CSMD1: variants seen among roughly 807,000 people sequenced by gnomAD.
CSMD1 encodes the protein CUB and Sushi multiple domains 1.
In CSMD1, 213 loss-of-function variants were observed where a neutral mutation model predicts 417.5. The observed-to-expected ratio is 0.51, with a 90% CI of 0.46 to 0.57. The LOEUF (loss-of-function observed/expected upper bound fraction) is 0.57, where lower values mean the gene tolerates loss of function less well. Among genes scored for constraint, CSMD1 ranks in the 20% least tolerant of loss-of-function variants. CSMD1 has a pLI of 0.00. For synonymous variants in CSMD1, 2,862 were observed against 1,736.8 expected (o/e 1.65, Z -16.11); for missense variants, 6,923 against 4,529.7 (o/e 1.53, Z -15.17).
intron 3 of CSMD1, among the ~76,000 whole-genome samples, chr8:4,247,336 A>G (rs2128827916): frequency 6.6e-6 from 1 of 152,288 alleles, no homozygotes; most frequent in Admixed American, 6.5e-5. Context: ...CATACCACAT[A>G]GAGTGCTGCT....
chr8:3,406,892 C>G lies in CSMD1; in HGVS notation c.2072-671G>C, dbSNP rs114611559. Among the ~76,000 whole-genome samples the G allele has an allele frequency of 5.4e-3, 817 of 152,318 alleles. 5 individuals are homozygous for G. Among genetic ancestry groups the G allele is most frequent in the African/African-American group, 0.018 (732 of 41,564 alleles). ...AGCTGTCATTAAACTTCACTAATTACATACTAGTGCTGTATTTTAATCCTT... is the reference window on the plus strand; with the variant it reads ...AGCTGTCATTAAACTTCACTAATTAGATACTAGTGCTGTATTTTAATCCTT... On this transcript the variant is annotated intron_variant, in intron 14 of 69. Coordinates refer to ENST00000635120, the MANE Select transcript of CSMD1 (RefSeq NM_033225.6).
At chr8:4,393,648 G>A (rs1175230450) in intron 3 of CSMD1, among the ~76,000 whole-genome samples, 2 of 152,118 alleles carry the variant, frequency 1.3e-5, no homozygotes, top group African/African-American at 4.8e-5. Flanking sequence ...AAAGACGTGA[G>A]CACTAGCCCA....
Position 4,558,561 on chromosome 8 carries a change from G to C in CSMD1, c.302+78781C>G, listed in dbSNP as rs1447465349. Among the ~76,000 whole-genome samples the C allele has an allele frequency of 3.3e-5, 5 of 152,190 alleles. No individual in the cohort carries two copies. The South Asian group carries it at 1.0e-3, about 32-fold the overall frequency. On this transcript the variant is annotated intron_variant, in intron 2 of 69. Coordinates refer to ENST00000635120, the MANE Select transcript of CSMD1 (RefSeq NM_033225.6). ...AAGCAAGTACCTTGCTCAAACACTA[G>C]TCCCTAATAAACAATAGAGACTTTG...
At chr8:4,110,852 CTTT>C (rs2130909627) in intron 3 of CSMD1, among the ~76,000 whole-genome samples, 1 of 152,084 alleles carries the variant, frequency 6.6e-6, no homozygotes, top group Admixed American at 6.5e-5. Context: ...AAATCAGAGA[CTTT>C]TTTCCTTGAA....
chr8:3,172,915 G>C (rs997267219), intron 37 of CSMD1, among the ~76,000 whole-genome samples: 2 of 152,148 alleles, frequency 1.3e-5, no homozygotes, highest in African/African-American at 4.8e-5. Flanking sequence ...ATAAGCAGGA[G>C]GTCAGCTTGG....
chr8:4,548,930 T>G (rs1476255485), intron 2 of CSMD1, among the ~76,000 whole-genome samples: 1 of 152,182 alleles, frequency 6.6e-6, no homozygotes, highest in African/African-American at 2.4e-5. Flanking sequence ...TTCTCTTACC[T>G]CCATATTTGA....
chr8:4,459,295 G>T (rs541724693), intron 2 of CSMD1, among the ~76,000 whole-genome samples: 2 of 152,202 alleles, frequency 1.3e-5, no homozygotes, highest in Non-Finnish European at 2.9e-5. Flanking sequence ...GCACCAGATG[G>T]CATATAAGGT....
intron 3 of CSMD1, among the ~76,000 whole-genome samples, chr8:4,227,618 C>G (rs973549632): frequency 6.6e-6 from 1 of 152,072 alleles, no homozygotes; most frequent in African/African-American, 2.4e-5. Flanking sequence ...CACATTCAGT[C>G]AGACACTCGG....
rs59670424 is a variant in CSMD1, at chr8:4,039,254, G to C, written c.416-7155C>G. On this transcript the variant is annotated intron_variant, in intron 3 of 69. Transcript: ENST00000635120. Reference sequence around the variant, plus strand: ...TTGCCTCTGTAGTAGTCTCCTGGTAGCTTAAGAAAATATAACTCCAAATTC... The same window carrying C: ...TTGCCTCTGTAGTAGTCTCCTGGTACCTTAAGAAAATATAACTCCAAATTC... 7.3e-3 allele frequency among the ~76,000 whole-genome samples: 1,114 copies of C among 152,220 alleles called. 14 individuals carry two copies. Among genetic ancestry groups the C allele is most frequent in the African/African-American group, 0.026 (1,063 of 41,532 alleles).
chr8:4,121,577 T>G (rs534802477), intron 3 of CSMD1, among the ~76,000 whole-genome samples: 37 of 152,002 alleles, frequency 2.4e-4, no homozygotes, highest in African/African-American at 8.2e-4. Flanking sequence ...TCTTTTATTT[T>G]TTTTTCAAAA....
At chr8:4,725,167 T>TA (rs1476077540) in intron 1 of CSMD1, among the ~76,000 whole-genome samples, 2 of 152,130 alleles carry the variant, frequency 1.3e-5, no homozygotes, top group African/African-American at 4.8e-5. Flanking sequence ...AAGAATACAT[T>TA]AAAAACAATA....
intron 5 of CSMD1, among the ~76,000 whole-genome samples, chr8:3,994,603 G>T (rs1296535668): frequency 6.6e-6 from 1 of 151,908 alleles, no homozygotes; most frequent in East Asian, 1.9e-4. Flanking sequence ...CAACCTGCAT[G>T]AAATTAGAAT....
chr8:3,037,258 T>C lies in CSMD1; in HGVS notation c.7661-7745A>G, dbSNP rs992355631. Among the ~76,000 whole-genome samples, 19 of 149,164 alleles carry C rather than the reference T, an allele frequency of 1.3e-4. No homozygotes were observed. The South Asian group carries it at 3.1e-3, about 25-fold the overall frequency. ...TCTCGCTCTGTGGCCCAGGCTGGAGTGCAGTGGCGGGATCTCGGCTCACTG... is the reference window on the plus strand; with the variant it reads ...TCTCGCTCTGTGGCCCAGGCTGGAGCGCAGTGGCGGGATCTCGGCTCACTG... On this transcript the variant is annotated intron_variant, in intron 50 of 69. Transcript: ENST00000635120.
At chr8:3,879,147 T>G (rs967450969) in intron 5 of CSMD1, among the ~76,000 whole-genome samples, 1 of 152,178 alleles carries the variant, frequency 6.6e-6, no homozygotes, top group Non-Finnish European at 1.5e-5. Context: ...GTTTTATTAG[T>G]ACTATCAAAG....
At chr8:4,983,683 C>G (rs568195033) in intron 1 of CSMD1, among the ~76,000 whole-genome samples, 1 of 152,184 alleles carries the variant, frequency 6.6e-6, no homozygotes, top group East Asian at 1.9e-4. Context: ...CCACCACACC[C>G]AGCTAATTTT....
intron 4 of CSMD1, among the ~76,000 whole-genome samples, chr8:4,006,027 A>G (rs1816082182): frequency 6.6e-5 from 10 of 152,164 alleles, no homozygotes; most frequent in Admixed American, 6.5e-4. Flanking sequence ...AATATTTAGG[A>G]CAGATTTGAA....
chr8:4,843,397 G>C (rs1800950752), intron 1 of CSMD1, among the ~76,000 whole-genome samples: 1 of 151,908 alleles, frequency 6.6e-6, no homozygotes, highest in Non-Finnish European at 1.5e-5. Context: ...ACCCTTCATT[G>C]TTTTCATGAC....
At chr8:3,094,800 C>CAA (rs33991879) in intron 47 of CSMD1, among the ~76,000 whole-genome samples, 368 of 104,730 alleles carry the variant, frequency 3.5e-3, no homozygotes, top group Non-Finnish European at 4.1e-3. Flanking sequence ...GCCCGTCTTA[C>CAA]AAAAAAAAAA....
chr8:4,164,587 C>G (rs373097459), intron 3 of CSMD1, among the ~76,000 whole-genome samples: 86 of 152,234 alleles, frequency 5.6e-4, no homozygotes, highest in African/African-American at 1.9e-3. Flanking sequence ...TGAATGTTTT[C>G]ATAGTAGTAA....
Sources: allele counts gnomAD v4.1 joint callset (sites outside exome capture counted in the v4.1 genomes callset), GRCh38; gene constraint gnomAD v4.1.1; transcripts MANE v1.5; gene names NCBI Gene and HGNC (gene_info 2026-07-23, HGNC 2026-07-21).